Variants in CFAP74 observed in about 807,000 individuals in gnomAD.
The protein encoded by CFAP74 is cilia- and flagella-associated protein 74.
CFAP74 carries 124 observed loss-of-function variants against 188.9 expected under a neutral mutation model. That is an observed-to-expected ratio of 0.66 (90% CI 0.57 to 0.76). The LOEUF (loss-of-function observed/expected upper bound fraction) is 0.76. Among genes scored for constraint, CFAP74 ranks in the 30% least tolerant of loss-of-function variants. The pLI is 0.00. For missense variants in CFAP74, 2,198 were observed against 2,165.2 expected, an observed-to-expected ratio of 1.02 and a Z score of -0.30; for synonymous variants, 956 against 916.7, an observed-to-expected ratio of 1.04 and a Z score of -0.77.
Position 1,974,117 on chromosome 1 carries a change from C to G in CFAP74, c.582G>C (p.Thr194=). ...CTGCGCGCACCTGGAGCCGCCGCCC[C>G]GTGGCCTCCACCTCCTCACGGTCAG... The part of the protein sequence containing the change: ...RTADREEVEA[T]GRRLQVRAAE... Residue 194 remains threonine (T), a synonymous_variant, in exon 7 of 39, where the codon ACG becomes ACC. Transcript: ENST00000682832. 1 of 1,612,578 alleles carries G rather than the reference C, an allele frequency of 6.2e-7. No individual in the cohort carries two copies. Among genetic ancestry groups the G allele is most frequent in the Non-Finnish European group, 8.5e-7 (1 of 1,179,302 alleles).
chr1:1,997,105 C>T (rs1657957166), intron 1 of CFAP74, among the ~76,000 whole-genome samples: 1 of 152,000 alleles, frequency 6.6e-6, no homozygotes, highest in Non-Finnish European at 1.5e-5. Context: ...ATCACGTCCC[C>T]AGCCAGAACA....
rs745376475 is a variant in CFAP74 at position 1,972,043 on chromosome 1, G to C, written c.825C>G (p.His275Gln). The change falls in exon 9 of 39, where the codon CAC becomes CAG. Residue 275 changes from histidine (H) to glutamine (Q), a missense_variant. By Grantham distance (24) the His-to-Gln change is conservative (BLOSUM62 0). Transcript: ENST00000682832. The stretch of plus-strand genomic sequence containing the variant: ...CATCCATGCGTCGCCTCATGTACTC[G>C]TGGCACTCCATCTCCTCCTTCTTCT... ...EQEKKEEMECHEYMRRRMDAV... is the reference protein window; with the variant it reads ...EQEKKEEMECQEYMRRRMDAV... The C allele has an allele frequency of 6.2e-7, 1 of 1,613,036 alleles. No individual in the cohort carries two copies. The highest frequency in any genetic ancestry group is 8.5e-7 in the Non-Finnish European group (1 of 1,179,954).
rs28633659 is a variant in CFAP74 at position 1,923,107 on chromosome 1, C to T, written c.4561G>A (p.Glu1521Lys). The change falls in exon 37 of 39, where the codon GAG (glutamate) becomes AAG (lysine). Residue 1521 changes from glutamate to lysine, a missense_variant. Glu to Lys is a moderately conservative substitution (Grantham distance 56). Transcript: ENST00000682832. The surrounding 1 kb of genome is among the most constrained non-coding windows in gnomAD (Gnocchi z 6.3). ...AGGGTCACCAGGATGGGCCTCAGCT[C>T]CTCAGCTTCTGGAGAGAGAGGGCCT... The part of the protein sequence containing the change: ...RPGPLSPEAE[E>K]LRPILVTLDY... 0.078 allele frequency: 125,662 copies of T among 1,608,536 alleles called. 12,081 individuals are homozygous for T. The highest frequency in any genetic ancestry group is 0.41 in the African/African-American group (30,209 of 74,460).
chr1:1,951,710 C>G (rs1449041920), intron 18 of CFAP74, among the ~76,000 whole-genome samples: 4 of 152,120 alleles, frequency 2.6e-5, no homozygotes, highest in Non-Finnish European at 5.9e-5. Context: ...TGCATTGATC[C>G]ATAGTTAGTT....
At chr1:1,965,183 A>ACCAGCT in intron 12 of CFAP74, 122 bp from the exon 13 acceptor site, 1 of 967,886 alleles carries the variant, frequency 1.0e-6, no homozygotes, top group Non-Finnish European at 1.5e-6. Context: ...ACCGGCTGCC[A>ACCAGCT]CCAGCGCTGG....
intron 18 of CFAP74, among the ~76,000 whole-genome samples, chr1:1,952,390 A>ATTT (rs1654255616): frequency 6.6e-6 from 1 of 152,086 alleles, no homozygotes; most frequent in Non-Finnish European, 1.5e-5. Flanking sequence ...AGCAAGACCA[A>ATTT]TGTAAAGCAC....
chr1:1,930,374 G>A (rs1046811921), intron 25 of CFAP74, 38 bp from the exon 26 acceptor site: 9 of 1,483,606 alleles, frequency 6.1e-6, no homozygotes, highest in Non-Finnish European at 6.3e-6. Flanking sequence ...AGCCGTGCAG[G>A]GCGTCCGTGT....
chr1:1,932,865 T>C (rs946304147), intron 25 of CFAP74, among the ~76,000 whole-genome samples: 2 of 150,670 alleles, frequency 1.3e-5, no homozygotes, highest in African/African-American at 4.9e-5. Flanking sequence ...GTGTTGGGAT[T>C]ACAGGTGTGA....
rs780200986 is a variant in CFAP74, at chr1:1,955,274, C to T, written c.2176+417G>A. On this transcript the variant is annotated intron_variant, in intron 18 of 38. Transcript: ENST00000682832. ...TGGCGGCGGGCTGCAGGGCAGGAGG[C>T]ATGGGGAGGGCAGGGCCCGCCCGTT... 7.7e-6 allele frequency: 10 copies of T among 1,294,370 alleles called. No individual in the cohort carries two copies. In the African/African-American group the frequency reaches 1.5e-4, roughly 20 times the overall value. 80.2% of individuals were successfully genotyped at this position (1,294,370 alleles called of 1,614,324 possible).
chr1:1,985,000 T>C (rs920864954), intron 6 of CFAP74: 1 of 195,454 alleles, frequency 5.1e-6, no homozygotes, highest in Admixed American at 5.2e-5. Context: ...CCCAAACCCC[T>C]TCTTGCCAAA....
chr1:1,958,911 G>A (rs771910294), intron 16 of CFAP74, among the ~76,000 whole-genome samples: 8 of 152,092 alleles, frequency 5.3e-5, no homozygotes, highest in Middle Eastern at 6.3e-3. Context: ...GCACTGGTCC[G>A]AGTGCCCCAC....
rs767887248 is a variant in CFAP74 at position 1,963,818 on chromosome 1, G to C, written c.1625C>G (p.Thr542Ser). Residue 542 changes from threonine to serine, a missense_variant, in exon 14 of 39, where the codon ACC (threonine) becomes AGC (serine). Transcript: ENST00000682832. ...CTTGCAGTAGTTGATCGTGTAGGTG[G>C]TGTTTACCAACGTGATCTTTTTCTT... is the stretch of plus-strand genomic sequence containing the variant. ...VYKKKITLVN[T>S]TYTINYCKLV... is the part of the protein sequence containing the mutation. The C allele has an allele frequency of 3.1e-6, 5 of 1,613,878 alleles. No individual in the cohort carries two copies. The East Asian group carries it at 1.1e-4, about 36-fold the overall frequency.
At chr1:1,971,415 A>ACG (rs1400531508) in intron 9 of CFAP74, among the ~76,000 whole-genome samples, 1 of 151,512 alleles carries the variant, frequency 6.6e-6, no homozygotes, top group Non-Finnish European at 1.5e-5. Context: ...ACATGCACAC[A>ACG]TGCACACACA....
At chr1:1,939,841 C>A in intron 23 of CFAP74, 74 bp from the exon 24 acceptor site, 1 of 1,388,696 alleles carries the variant, frequency 7.2e-7, no homozygotes. Flanking sequence ...CTCTGAGGCG[C>A]AACCACTGCT....
intron 18 of CFAP74, among the ~76,000 whole-genome samples, chr1:1,952,610 G>GAAAGAAAGAAAGAAAGAA (rs555514879): frequency 1.3e-5 from 2 of 151,360 alleles, no homozygotes; most frequent in African/African-American, 4.9e-5. Flanking sequence ...AAGAAAGAAA[G>GAAAGAAAGAAAGAAAGAA]AAAGACAGAC....
chr1:1,952,925 T>G (rs901269430), intron 18 of CFAP74, among the ~76,000 whole-genome samples: 1 of 152,220 alleles, frequency 6.6e-6, no homozygotes, highest in South Asian at 2.1e-4. Context: ...CCCGAAGTGC[T>G]GGTATTACAG....
At chr1:1,970,927 G>T (rs567722763) in intron 9 of CFAP74, 111 bp from the exon 10 acceptor site, 1 of 1,317,342 alleles carries the variant, frequency 7.6e-7, no homozygotes, top group Non-Finnish European at 1.1e-6. Flanking sequence ...GTGCACACAC[G>T]TGCACACACA....
chr1:1,954,783 T>TAAAAAG (rs1654429788), intron 18 of CFAP74: 6 of 1,097,088 alleles, frequency 5.5e-6, no homozygotes, highest in South Asian at 4.4e-5. Flanking sequence ...TGTCTCAACA[T>TAAAAAG]AAAAAGAACT....
Position 1,939,768 on chromosome 1 carries a change from C to G in CFAP74, c.2704-1G>C, listed in dbSNP as rs1653233685. The G allele has an allele frequency of 6.5e-7, 1 of 1,534,902 alleles. No homozygotes were observed. The highest frequency in any genetic ancestry group is 8.7e-7 in the Non-Finnish European group (1 of 1,145,946). ...GCACGGTGAATCCCACTGGCTTGTT[C>G]TGAGACATAAAGGGCACAGGCGCCC... On this transcript the variant is annotated splice_acceptor_variant, in intron 23 of 38. Coordinates refer to ENST00000682832, the MANE Select transcript of CFAP74 (RefSeq NM_001304360.2). LOFTEE classifies it high-confidence loss of function.
Sources: allele counts gnomAD v4.1 joint callset (sites outside exome capture counted in the v4.1 genomes callset), GRCh38; gene constraint gnomAD v4.1.1; non-coding constraint Gnocchi (gnomAD v3.1); transcripts MANE v1.5; gene names NCBI Gene and HGNC (gene_info 2026-07-23, HGNC 2026-07-21).